The following ABCB4 variants were observed in gnomAD, a reference collection of about 807,000 sequenced individuals.
ABCB4 encodes the protein phosphatidylcholine translocator ABCB4.
ABCB4 carries 76 observed loss-of-function variants against 145.7 expected under a neutral mutation model. The ratio of observed to expected loss-of-function variants is 0.52; its 90% CI spans 0.43 to 0.63. The LOEUF (loss-of-function observed/expected upper bound fraction) is 0.63, where lower values mean the gene tolerates loss of function less well. Among genes scored for constraint, ABCB4 ranks in the 30% least tolerant of loss-of-function variants. ABCB4 has a pLI of 0.00. For synonymous variants in ABCB4, 517 were observed against 566.8 expected, an observed-to-expected ratio of 0.91 and a Z score of 1.25; for missense variants, 1,234 against 1,553.1, an observed-to-expected ratio of 0.79 and a Z score of 3.45.
chr7:87,382,355 C>CT, the ABCB4 span: 21 of 1,570,268 alleles, frequency 1.3e-5, no homozygotes, highest in Non-Finnish European at 1.7e-5. Context: ...ATTTGCTTCT[C>CT]TTTGGTGTAT....
At chr7:87,423,735 A>C in intron 17 of ABCB4, 171 bp downstream of exon 17, 1 of 726,412 alleles carries the variant, frequency 1.4e-6, no homozygotes. Context: ...AGTGATTCAA[A>C]GGCTACTTAT....
chr7:87,429,686 T>C (rs1308122664), intron 15 of ABCB4, among the ~76,000 whole-genome samples: 1 of 152,140 alleles, frequency 6.6e-6, no homozygotes, highest in Non-Finnish European at 1.5e-5. Flanking sequence ...TTTTATGCAT[T>C]CCTAACTAGT....
chr7:87,423,815 T>A, intron 17 of ABCB4, 91 bp downstream of exon 17: 2 of 1,533,752 alleles, frequency 1.3e-6, no homozygotes. Context: ...GGCTGCTTAA[T>A]CCCAGAATGG....
chr7:87,393,827 C>CA, the ABCB4 span, among the ~76,000 whole-genome samples: 1 of 152,142 alleles, frequency 6.6e-6, no homozygotes, highest in South Asian at 2.1e-4. Flanking sequence ...CCTTGAACAA[C>CA]ATGGGTTTGA....
Position 87,407,900 on chromosome 7 carries a change from G to A in ABCB4, c.3279+137C>T, listed in dbSNP as rs1808318915. On this transcript the variant is annotated intron_variant, in intron 25 of 27. Coordinates refer to ENST00000649586, the MANE Select transcript of ABCB4 (RefSeq NM_000443.4). Reference sequence around the variant, plus strand: ...CATATATTTCCCAGATATGGTGCCAGTTGGGGTTTATAGAATGTGGTCATT... The same window carrying A: ...CATATATTTCCCAGATATGGTGCCAATTGGGGTTTATAGAATGTGGTCATT... The A allele has an allele frequency of 6.6e-6, 7 of 1,068,594 alleles. No individual in the cohort carries two copies. The South Asian group carries it at 9.5e-5, about 15-fold the overall frequency. The allele number at this position is 1,068,594 out of a possible 1,614,324, so 66.2% of individuals were successfully genotyped here.
the ABCB4 span, among the ~76,000 whole-genome samples, chr7:87,381,094 C>A: frequency 2.0e-5 from 3 of 152,276 alleles, no homozygotes; most frequent in East Asian, 1.9e-4. Context: ...CACCTAATTA[C>A]TCCTCTGAAA....
intron 13 of ABCB4, 70 bp downstream of exon 13, chr7:87,440,129 T>C (rs1252116674): frequency 1.3e-6 from 2 of 1,516,624 alleles, no homozygotes; most frequent in Non-Finnish European, 1.8e-6. Context: ...GCTAAACCTT[T>C]GAAGAATAAA....
rs771950483 is a variant in ABCB4 at position 87,431,397 on chromosome 7, C to A, written c.1893+7G>T. On this transcript the variant is annotated splice_region_variant and intron_variant, in intron 15 of 27. Coordinates refer to ENST00000649586, the MANE Select transcript of ABCB4 (RefSeq NM_000443.4). ...AATAGCAGAAAAAATTCCTGAAAAG[C>A]AAGTACCTGCATGTTGACAAGTTTG... The A allele has an allele frequency of 6.2e-7, 1 of 1,614,030 alleles. No homozygotes were observed.
chr7:87,382,366 T>C, the ABCB4 span: 1 of 1,590,414 alleles, frequency 6.3e-7, no homozygotes, highest in Non-Finnish European at 8.6e-7. Flanking sequence ...TTTGGTGTAT[T>C]CTCCTTAGGT....
chr7:87,419,958 T>G, intron 19 of ABCB4, 40 bp downstream of exon 19: 1 of 1,577,688 alleles, frequency 6.3e-7, no homozygotes, highest in Non-Finnish European at 8.7e-7. Flanking sequence ...ATGGAAGAAA[T>G]GTGAAAGATC....
At chr7:87,465,255 C>T (rs969124644) in intron 3 of ABCB4, among the ~76,000 whole-genome samples, 1 of 152,258 alleles carries the variant, frequency 6.6e-6, no homozygotes, top group East Asian at 1.9e-4. Flanking sequence ...GAGGGTCCCA[C>T]ACCCACGAAG....
chr7:87,435,115 C>T (rs1055205970), intron 14 of ABCB4, among the ~76,000 whole-genome samples: 2 of 152,150 alleles, frequency 1.3e-5, no homozygotes, highest in Non-Finnish European at 2.9e-5. Flanking sequence ...TTATGAAATT[C>T]AACTTTTCAT....
chr7:87,414,099 C>T (rs1808810339), intron 21 of ABCB4, among the ~76,000 whole-genome samples: 1 of 152,184 alleles, frequency 6.6e-6, no homozygotes, highest in Non-Finnish European at 1.5e-5. Context: ...AAGGATTAGG[C>T]TGTGATTTCT....
chr7:87,384,096 C>T, the ABCB4 span, among the ~76,000 whole-genome samples: 1 of 152,062 alleles, frequency 6.6e-6, no homozygotes, highest in Non-Finnish European at 1.5e-5. Flanking sequence ...TATTGCCTAT[C>T]TTTTTGATAA....
At chr7:87,452,252 A>AAATGCAAGTCTG (rs1256402982) in intron 6 of ABCB4, 4 of 242,374 alleles carry the variant, frequency 1.7e-5, no homozygotes, top group Non-Finnish European at 3.2e-5. Context: ...GATGCTTTGA[A>AAATGCAAGTCTG]AATGCAAGTC....
the ABCB4 span, among the ~76,000 whole-genome samples, chr7:87,373,774 C>G: frequency 6.6e-6 from 1 of 151,974 alleles, no homozygotes; most frequent in Non-Finnish European, 1.5e-5. Flanking sequence ...ATAAGAGGAG[C>G]TTGGAAAGGC....
rs542027378 is a variant in ABCB4 at position 87,475,454 on chromosome 7, C to A, written c.12G>T (p.Glu4Asp). The change falls in exon 2 of 28, where the codon GAG (glutamate) becomes GAT (aspartate). Residue 4 changes from glutamate to aspartate, a missense_variant. This residue lies in a region of ABCB4 where 77 missense variants were observed against 73.3 expected (regional missense o/e 1.05). Transcript: ENST00000649586. Reference sequence around the variant, plus strand: ...GCCAGGCTGTTCCGTTCTTTGCCGCCTCAAGATCCATCTCAGCCTGAGGAG... The same window carrying A: ...GCCAGGCTGTTCCGTTCTTTGCCGCATCAAGATCCATCTCAGCCTGAGGAG... MDL[E>D]AAKNGTAWRP... is the part of the protein sequence containing the mutation. 3.8e-5 allele frequency: 62 copies of A among 1,614,214 alleles called. 1 individual carries two copies. In the South Asian group the frequency reaches 6.1e-4, roughly 16 times the overall value.
intron 16 of ABCB4, 48 bp from the exon 17 acceptor site, chr7:87,424,100 C>T: frequency 1.2e-6 from 2 of 1,612,104 alleles, no homozygotes; most frequent in Non-Finnish European, 1.7e-6. Flanking sequence ...ACAACAGTTA[C>T]CAGAGTCTGT....
At chr7:87,394,977 G>A in the ABCB4 span, among the ~76,000 whole-genome samples, 8 of 150,542 alleles carry the variant, frequency 5.3e-5, no homozygotes, top group Non-Finnish European at 1.0e-4. Context: ...AGACAAATGT[G>A]CCCTATTCTG....
Sources: gnomAD v4.1 joint callset for allele counts (sites outside exome capture counted in the v4.1 genomes callset) on GRCh38, gnomAD v4.1.1 for gene constraint, gnomAD v4.1.1 regional missense constraint, MANE v1.5 for transcripts, NCBI Gene and HGNC (gene_info 2026-07-23, HGNC 2026-07-21) for gene names.